The following ROBO1 variants were observed in gnomAD, a reference collection of about 807,000 sequenced individuals.
ROBO1 encodes roundabout guidance receptor 1.
Under a neutral mutation model 195.9 loss-of-function variants are expected in ROBO1, and 149 were observed. The ratio of observed to expected loss-of-function variants is 0.76; its 90% CI spans 0.67 to 0.87. ROBO1 has a LOEUF of 0.87. ROBO1 is among the 40% of genes least tolerant of loss of function. The pLI is 0.00. For missense variants in ROBO1, 1,933 were observed against 2,068.3 expected (o/e 0.93, Z 1.27); for synonymous variants, 816 against 733.2 (o/e 1.11, Z -1.82).
chr3:78,864,356 T>C (rs975813194), intron 4 of ROBO1, among the ~76,000 whole-genome samples: 5 of 152,284 alleles, frequency 3.3e-5, no homozygotes, highest in African/African-American at 1.2e-4. Flanking sequence ...GGAATTTCTA[T>C]ATAAATTGAT....
chr3:78,767,416 C>T (rs1403551914), intron 4 of ROBO1, among the ~76,000 whole-genome samples: 2 of 152,128 alleles, frequency 1.3e-5, no homozygotes, highest in African/African-American at 4.8e-5. Context: ...CAGGCACTCA[C>T]TACCACACCT....
chr3:79,300,234 G>A (rs567636081), intron 2 of ROBO1, among the ~76,000 whole-genome samples: 3 of 152,220 alleles, frequency 2.0e-5, no homozygotes, highest in African/African-American at 7.2e-5. Flanking sequence ...GGCGTGAGCG[G>A]GAACTGCGGC....
intron 2 of ROBO1, among the ~76,000 whole-genome samples, chr3:79,197,609 A>C (rs1028891871): frequency 6.6e-6 from 1 of 152,012 alleles, no homozygotes; most frequent in South Asian, 2.1e-4. Context: ...TTGAGGAATC[A>C]CCACACTGTC....
chr3:79,758,434 G>A (rs1704523490), intron 1 of ROBO1, among the ~76,000 whole-genome samples: 1 of 152,164 alleles, frequency 6.6e-6, no homozygotes. Flanking sequence ...GTGATATATT[G>A]TTGTCATCTT....
chr3:78,666,976 G>T (rs536100354), intron 14 of ROBO1, among the ~76,000 whole-genome samples: 2 of 151,616 alleles, frequency 1.3e-5, no homozygotes, highest in South Asian at 4.2e-4. Context: ...CTCCCCTCTA[G>T]AATTACCTTT....
intron 29 of ROBO1, among the ~76,000 whole-genome samples, chr3:78,601,854 T>C (rs1703190706): frequency 6.6e-6 from 1 of 152,108 alleles, no homozygotes; most frequent in Admixed American, 6.6e-5. Context: ...TCAATGCAAA[T>C]ATTATTCTCT....
intron 3 of ROBO1, among the ~76,000 whole-genome samples, chr3:78,977,765 CTG>C (rs1040370894): frequency 9.2e-5 from 14 of 152,010 alleles, no homozygotes; most frequent in African/African-American, 3.4e-4. Context: ...CTCCTACTCA[CTG>C]AGGTATGCAC....
At chr3:78,672,594 C>CA (rs368446414) in intron 10 of ROBO1, among the ~76,000 whole-genome samples, 24,012 of 73,618 alleles carry the variant, frequency 0.33, 3,372 homozygotes, top group African/African-American at 0.39. Context: ...GACCCTGTCT[C>CA]AAAAAAAAAA....
At chr3:79,690,328 G>A (rs1365214040) in intron 1 of ROBO1, among the ~76,000 whole-genome samples, 1 of 151,982 alleles carries the variant, frequency 6.6e-6, no homozygotes, top group Non-Finnish European at 1.5e-5. Context: ...CCTGGCTGTG[G>A]TTAGAGAGAG....
At chr3:79,585,997 T>C (rs1268315450) in intron 2 of ROBO1, among the ~76,000 whole-genome samples, 2 of 151,930 alleles carry the variant, frequency 1.3e-5, no homozygotes, top group East Asian at 3.9e-4. Flanking sequence ...GATCATAAAC[T>C]TTGTAAGAAG....
rs533339852 is a variant in ROBO1, at chr3:78,632,132, T to C, written c.3482-827A>G. Among the ~76,000 whole-genome samples the C allele has an allele frequency of 1.3e-3, 201 of 152,356 alleles. 1 individual carries two copies. The highest frequency in any genetic ancestry group is 2.2e-3 in the Non-Finnish European group (150 of 68,028). ...ATATTTTTGATTCATATGTGAATTA[T>C]AGACAATGAGTCTATGATTATTTTT... On this transcript the variant is annotated intron_variant, in intron 24 of 30. Transcript: ENST00000464233.
At chr3:79,278,187 A>G (rs1475056015) in intron 2 of ROBO1, among the ~76,000 whole-genome samples, 1 of 152,150 alleles carries the variant, frequency 6.6e-6, no homozygotes, top group Non-Finnish European at 1.5e-5. Flanking sequence ...ATGAAAAGAC[A>G]TTCCATGTTC....
chr3:78,897,559 T>C (rs987503776), intron 4 of ROBO1, among the ~76,000 whole-genome samples: 1 of 152,228 alleles, frequency 6.6e-6, no homozygotes, highest in African/African-American at 2.4e-5. Context: ...AGGACTTGTG[T>C]GTTGCACTTT....
chr3:78,900,323 T>C lies in ROBO1; in HGVS notation c.499+38278A>G, dbSNP rs555351688. ...GTCTTTATATGCATATCATGTAAAATAGAAAATTGTGGCTAAATATTTAAT... is the reference window on the plus strand; with the variant it reads ...GTCTTTATATGCATATCATGTAAAACAGAAAATTGTGGCTAAATATTTAAT... On this transcript the variant is annotated intron_variant, in intron 4 of 30. Transcript: ENST00000464233. Among the ~76,000 whole-genome samples the C allele has an allele frequency of 1.2e-4, 19 of 152,316 alleles. 1 individual carries two copies. The highest frequency in any genetic ancestry group is 1.2e-3 in the South Asian group (6 of 4,828).
At chr3:79,051,596 C>T (rs1018907410) in intron 3 of ROBO1, among the ~76,000 whole-genome samples, 1 of 152,002 alleles carries the variant, frequency 6.6e-6, no homozygotes, top group Admixed American at 6.6e-5. Context: ...CTGGCAGAGA[C>T]ACAACAAAAA....
rs192457285 is a variant in ROBO1, at chr3:79,371,546, T to C, written c.88+218278A>G. On this transcript the variant is annotated intron_variant, in intron 2 of 30. Coordinates refer to ENST00000464233, the MANE Select transcript of ROBO1 (RefSeq NM_002941.4). ...AAATATAAAACTGGCTGAGGAAATT[T>C]TGAATTTACGTAAAGACACAGAATA... 1.2e-4 allele frequency among the ~76,000 whole-genome samples: 18 copies of C among 152,182 alleles called. No homozygotes were observed. The East Asian group carries it at 3.5e-3, about 29-fold the overall frequency.
At chr3:79,741,115 G>A (rs1185711289) in intron 1 of ROBO1, among the ~76,000 whole-genome samples, 1 of 152,194 alleles carries the variant, frequency 6.6e-6, no homozygotes, top group Non-Finnish European at 1.5e-5. Flanking sequence ...TTGTGCTTAG[G>A]GGCTTGCTCT....
intron 3 of ROBO1, among the ~76,000 whole-genome samples, chr3:79,065,744 A>T (rs1291765560): frequency 6.6e-6 from 1 of 151,956 alleles, no homozygotes; most frequent in Non-Finnish European, 1.5e-5. Flanking sequence ...CCCTCTGAAG[A>T]TGACTAGGAA....
chr3:79,029,491 A>C (rs1048968763), intron 3 of ROBO1, among the ~76,000 whole-genome samples: 1 of 152,176 alleles, frequency 6.6e-6, no homozygotes, highest in African/African-American at 2.4e-5. Context: ...AGTCTAATTA[A>C]TAAACCACAT....
Sources: allele counts gnomAD v4.1 joint callset (sites outside exome capture counted in the v4.1 genomes callset), GRCh38; gene constraint gnomAD v4.1.1; transcripts MANE v1.5; gene names NCBI Gene and HGNC (gene_info 2026-07-23, HGNC 2026-07-21).